ANXA8: variants seen among roughly 807,000 people sequenced by gnomAD.
The protein encoded by ANXA8 is annexin A8.
In ANXA8, 9 loss-of-function variants were observed where a neutral mutation model predicts 26.8. That is an observed-to-expected ratio of 0.34 (90% CI 0.20 to 0.59). The LOEUF (loss-of-function observed/expected upper bound fraction) is 0.59. Among genes scored for constraint, ANXA8 ranks in the 20% least tolerant of loss-of-function variants. The pLI is 0.84. For synonymous variants in ANXA8, 39 were observed against 94.8 expected (o/e 0.41, Z 3.42); for missense variants, 83 against 238.5 (o/e 0.35, Z 4.29).
chr10:47,678,821 T>A, the ANXA8 span, among the ~76,000 whole-genome samples: 1 of 148,692 alleles, frequency 6.7e-6, no homozygotes, highest in Non-Finnish European at 1.5e-5. Context: ...GGGGTGCAGA[T>A]CATTTGAGAT....
At chr10:47,967,205 A>G in the ANXA8 span, among the ~76,000 whole-genome samples, 1 of 149,272 alleles carries the variant, frequency 6.7e-6, no homozygotes, top group Non-Finnish European at 1.5e-5. Flanking sequence ...TCCTGGCCTC[A>G]CTCTCCAGAG....
At chr10:47,985,640 G>A in the ANXA8 span, 1 of 114,224 alleles carries the variant, frequency 8.8e-6, no homozygotes, top group African/African-American at 3.3e-5. Flanking sequence ...CCCACTGTAA[G>A]ATTTACAACA....
chr10:47,737,614 T>C, the ANXA8 span, among the ~76,000 whole-genome samples: 2 of 151,698 alleles, frequency 1.3e-5, no homozygotes, highest in East Asian at 3.9e-4. Flanking sequence ...TTCATTAAAA[T>C]TGTTTTTCTC....
the ANXA8 span, among the ~76,000 whole-genome samples, chr10:47,726,650 T>C: frequency 6.6e-6 from 1 of 152,298 alleles, no homozygotes; most frequent in South Asian, 2.1e-4. Context: ...TAGTAATTTA[T>C]CATTTGAAGC....
the ANXA8 span, among the ~76,000 whole-genome samples, chr10:47,579,548 G>T: frequency 1.7e-5 from 1 of 58,926 alleles, no homozygotes; most frequent in Non-Finnish European, 4.2e-5. Flanking sequence ...GAGCCACCGT[G>T]CCCGGTCAAG....
chr10:47,954,912 C>G, the ANXA8 span, among the ~76,000 whole-genome samples: 2 of 150,766 alleles, frequency 1.3e-5, no homozygotes, highest in African/African-American at 4.9e-5. Flanking sequence ...ATTACAGATA[C>G]ACATGACAAG....
chr10:47,987,001 T>A, the ANXA8 span: 1 of 541,110 alleles, frequency 1.8e-6, no homozygotes, highest in African/African-American at 1.9e-5. Context: ...CCAGCTGATG[T>A]GAACACAGCC....
chr10:47,699,272 T>A, the ANXA8 span, among the ~76,000 whole-genome samples: 2 of 129,556 alleles, frequency 1.5e-5, no homozygotes, highest in Admixed American at 1.9e-4. Flanking sequence ...TGCCTGAACC[T>A]AGGAGGTGGA....
chr10:47,735,504 A>C, the ANXA8 span, among the ~76,000 whole-genome samples: 2 of 148,710 alleles, frequency 1.3e-5, no homozygotes, highest in African/African-American at 5.0e-5. Context: ...TTTAATAGAT[A>C]TTCCTTCAGT....
At chr10:47,487,878 C>T (rs1162972938), upstream of ANXA8, among the ~76,000 whole-genome samples, 4 of 150,614 alleles carry the variant, frequency 2.7e-5, no homozygotes, top group African/African-American at 9.8e-5. Context: ...AGATTCTCCC[C>T]TCTCCAAGAT....
At chr10:47,470,241 G>A (rs1358193130) in intron 11 of ANXA8, among the ~76,000 whole-genome samples, 10 of 151,466 alleles carry the variant, frequency 6.6e-5, no homozygotes, top group African/African-American at 2.4e-4. Context: ...ACACTAAAAA[G>A]AAACGTTTGG....
At chr10:47,744,422 T>G in the ANXA8 span, among the ~76,000 whole-genome samples, 252 of 11,662 alleles carry the variant, frequency 0.022, 2 homozygotes, top group African/African-American at 0.027. Flanking sequence ...GGGGGGGGGG[T>G]TGGGGGGGAG....
chr10:47,762,295 C>A, the ANXA8 span, among the ~76,000 whole-genome samples: 2 of 151,488 alleles, frequency 1.3e-5, no homozygotes, highest in South Asian at 2.1e-4. Flanking sequence ...TAGGAGGCTT[C>A]GCCCCGGGGG....
chr10:47,943,901 A>G, the ANXA8 span, among the ~76,000 whole-genome samples: 3 of 147,552 alleles, frequency 2.0e-5, no homozygotes. Flanking sequence ...CTGTAGCCCC[A>G]AGCCTGGATC....
chr10:47,699,611 G>A, the ANXA8 span, among the ~76,000 whole-genome samples: 1 of 151,268 alleles, frequency 6.6e-6, no homozygotes, highest in Non-Finnish European at 1.5e-5. Context: ...TGGACAGCTT[G>A]AGCCCAGGAA....
chr10:47,986,551 T>C, the ANXA8 span: 2 of 329,624 alleles, frequency 6.1e-6, no homozygotes, highest in Non-Finnish European at 1.2e-5. Context: ...GGGACCCACA[T>C]GGGCCAGGGC....
the ANXA8 span, among the ~76,000 whole-genome samples, chr10:47,632,129 G>A: frequency 6.6e-5 from 10 of 152,278 alleles, no homozygotes; most frequent in South Asian, 8.3e-4. Context: ...ATTTACATCC[G>A]GGTTAAATTT....
chr10:47,521,608 T>C, the ANXA8 span, among the ~76,000 whole-genome samples: 1 of 144,570 alleles, frequency 6.9e-6, no homozygotes, highest in South Asian at 2.2e-4. Context: ...CAATGTTTTC[T>C]ATTTTGAAAA....
the ANXA8 span, among the ~76,000 whole-genome samples, chr10:47,589,872 T>C: frequency 1.4e-5 from 2 of 141,970 alleles, no homozygotes; most frequent in Admixed American, 1.4e-4. Flanking sequence ...TCCTGAGGAT[T>C]TCCTTAAAGG....
Sources: allele counts gnomAD v4.1 joint callset (sites outside exome capture counted in the v4.1 genomes callset), GRCh38; gene constraint gnomAD v4.1.1; transcripts MANE v1.5; gene names NCBI Gene and HGNC (gene_info 2026-07-23, HGNC 2026-07-21).